KCNMA1: variants seen among roughly 807,000 people sequenced by gnomAD.
KCNMA1 encodes the protein potassium calcium-activated channel subfamily M alpha 1.
Under a neutral mutation model 140.0 loss-of-function variants are expected in KCNMA1, and 29 were observed. The observed-to-expected ratio is 0.21, with a 90% CI of 0.15 to 0.28. The LOEUF (loss-of-function observed/expected upper bound fraction) is 0.28, where lower values mean the gene tolerates loss of function less well. KCNMA1 is among the 10% of genes least tolerant of loss of function. The pLI is 1.00. For missense variants in KCNMA1, 880 were observed against 1,602.2 expected (o/e 0.55, Z 7.70); for synonymous variants, 612 against 611.9 (o/e 1.00, Z 0.00).
At chr10:76,997,358 A>G (rs1048926548) in intron 19 of KCNMA1, among the ~76,000 whole-genome samples, 3 of 152,266 alleles carry the variant, frequency 2.0e-5, no homozygotes, top group Admixed American at 6.5e-5. Flanking sequence ...AACAATTAGT[A>G]AATTGAAAGG....
chr10:77,286,942 G>A (rs1029660523), intron 2 of KCNMA1, among the ~76,000 whole-genome samples: 2 of 152,164 alleles, frequency 1.3e-5, no homozygotes, highest in African/African-American at 4.8e-5. Context: ...AACACCCTAA[G>A]TGGAAAGCAT....
intron 1 of KCNMA1, among the ~76,000 whole-genome samples, chr10:77,561,057 A>AAT (rs2066210300): frequency 3.7e-5 from 1 of 26,804 alleles, no homozygotes; most frequent in Admixed American, 2.5e-4. Context: ...GTATGGAAAC[A>AAT]CTTTTTTTTT....
intron 24 of KCNMA1, chr10:76,914,125 T>C (rs1343160014): frequency 6.5e-7 from 1 of 1,550,294 alleles, no homozygotes. Context: ...CAAAGGCAAC[T>C]TGCCCGGTTT....
At chr10:77,191,025 T>C (rs893973162) in intron 3 of KCNMA1, among the ~76,000 whole-genome samples, 2 of 152,074 alleles carry the variant, frequency 1.3e-5, no homozygotes, top group African/African-American at 4.8e-5. Flanking sequence ...TCAAAATAAA[T>C]AAAAAAGATG....
chr10:77,514,620 C>G (rs147797890), intron 1 of KCNMA1, among the ~76,000 whole-genome samples: 8 of 152,130 alleles, frequency 5.3e-5, no homozygotes, highest in Non-Finnish European at 1.5e-5. Flanking sequence ...ACTGGGTATG[C>G]GGAGAGAGAA....
At chr10:76,900,676 T>C (rs949581955) in intron 25 of KCNMA1, among the ~76,000 whole-genome samples, 12 of 152,070 alleles carry the variant, frequency 7.9e-5, no homozygotes, top group African/African-American at 2.7e-4. Flanking sequence ...CTGAATTCAC[T>C]ATATAAAATA....
intron 1 of KCNMA1, among the ~76,000 whole-genome samples, chr10:77,468,617 C>T (rs1603626746): frequency 1.3e-5 from 2 of 152,122 alleles, no homozygotes; most frequent in African/African-American, 4.8e-5. Context: ...ACCGATCCTT[C>T]CTTCACAACC....
intron 6 of KCNMA1, among the ~76,000 whole-genome samples, chr10:77,117,361 C>T (rs1265256296): frequency 6.6e-6 from 1 of 151,416 alleles, no homozygotes; most frequent in Non-Finnish European, 1.5e-5. Flanking sequence ...CCAGCGTGGC[C>T]AACACGGTGA....
chr10:77,500,024 A>T (rs1462890632), intron 1 of KCNMA1, among the ~76,000 whole-genome samples: 2 of 152,068 alleles, frequency 1.3e-5, no homozygotes, highest in Non-Finnish European at 2.9e-5. Context: ...TCTATACATT[A>T]ACCATTGGCA....
intron 1 of KCNMA1, chr10:77,498,562 T>C (rs1477562562): frequency 1.3e-5 from 2 of 152,224 alleles, no homozygotes; most frequent in Non-Finnish European, 2.9e-5. Context: ...TCTGGAACTA[T>C]TCATGGTTCC....
intron 23 of KCNMA1, among the ~76,000 whole-genome samples, chr10:76,922,550 G>T (rs111938961): frequency 6.6e-6 from 1 of 152,216 alleles, no homozygotes; most frequent in African/African-American, 2.4e-5. Flanking sequence ...GGGCCTGTCC[G>T]TATTCTCCCC....
intron 9 of KCNMA1, among the ~76,000 whole-genome samples, chr10:77,097,259 G>C (rs1368251741): frequency 1.3e-5 from 2 of 152,258 alleles, no homozygotes; most frequent in South Asian, 4.1e-4. Flanking sequence ...CAAAAAATAA[G>C]ACTAATCCAA....
intron 19 of KCNMA1, among the ~76,000 whole-genome samples, chr10:76,982,402 A>G (rs1159025239): frequency 1.3e-5 from 2 of 151,986 alleles, no homozygotes; most frequent in African/African-American, 4.8e-5. Context: ...GAGGTCCCGT[A>G]TATCCCCAGA....
chr10:77,404,089 A>C, intron 1 of KCNMA1, 66 bp from the exon 2 acceptor site: 4 of 1,552,902 alleles, frequency 2.6e-6, no homozygotes, highest in Non-Finnish European at 3.5e-6. Flanking sequence ...TGCTCTACCC[A>C]TAAAGAACCA....
At chr10:76,884,806 A>C, downstream of KCNMA1, 1 of 883,350 alleles carries the variant, frequency 1.1e-6, no homozygotes, top group East Asian at 3.0e-5. Flanking sequence ...GGAGGGGGGG[A>C]AAAGCAAAAC....
intron 2 of KCNMA1, chr10:77,354,285 A>C (rs996011556): frequency 6.6e-6 from 1 of 152,164 alleles, no homozygotes; most frequent in Non-Finnish European, 1.5e-5. Context: ...AAGGATTTGA[A>C]ACTCAGGCCT....
At chr10:77,256,277 C>T (rs1255475226) in intron 2 of KCNMA1, among the ~76,000 whole-genome samples, 1 of 152,166 alleles carries the variant, frequency 6.6e-6, no homozygotes, top group Non-Finnish European at 1.5e-5. Flanking sequence ...TGTGAGGCTT[C>T]ACGGCCTTGG....
At chr10:77,336,429 C>T (rs2089007238) in intron 2 of KCNMA1, among the ~76,000 whole-genome samples, 1 of 140,240 alleles carries the variant, frequency 7.1e-6, no homozygotes, top group South Asian at 2.2e-4. Flanking sequence ...TAACTCAATG[C>T]TTAAAAAAAA....
intron 3 of KCNMA1, chr10:77,217,571 A>G: frequency 2.2e-6 from 1 of 456,502 alleles, no homozygotes; most frequent in Non-Finnish European, 4.4e-6. Context: ...GCCGAATGAA[A>G]ACATGGAGAT....
Sources: allele counts gnomAD v4.1 joint callset (sites outside exome capture counted in the v4.1 genomes callset), GRCh38; gene constraint gnomAD v4.1.1; transcripts MANE v1.5; gene names NCBI Gene and HGNC (gene_info 2026-07-23, HGNC 2026-07-21).